Variants in PLIN5 observed in about 807,000 individuals in gnomAD.
The protein encoded by PLIN5 is perilipin 5.
A neutral mutation model predicts 32.8 loss-of-function variants in PLIN5; 34 were observed. The ratio of observed to expected loss-of-function variants is 1.04; its 90% CI spans 0.79 to 1.38. The LOEUF is 1.38. PLIN5 is among the 40% of genes most tolerant of loss of function. The probability of loss-of-function intolerance (pLI) is 0.00; values close to 1 mark genes in which losing one functional copy is unlikely to be tolerated. For synonymous variants in PLIN5, 309 were observed against 292.9 expected (o/e 1.05, Z -0.56); for missense variants, 712 against 660.5 (o/e 1.08, Z -0.85).
Position 4,523,986 on chromosome 19 carries a change from C to T in PLIN5, c.934G>A (p.Ala312Thr), listed in dbSNP as rs377144070. ...ESSVRGLPAG[A>T]QEKVAEVRRS... ...CGCACCTCAGCCACCTTCTCCTGGG[C>T]GCCGGCGGGCAGGCCCCGCACGCTG... The change falls in exon 8 of 8, where the codon GCC (alanine) becomes ACC (threonine). Residue 312 changes from alanine (A) to threonine (T), a missense_variant. Coordinates refer to ENST00000381848, the MANE Select transcript of PLIN5 (RefSeq NM_001013706.3). This position sits in a 1 kb window ranked among gnomAD's most constrained non-coding sequence, Gnocchi z 5.0. 1.0e-5 allele frequency: 16 copies of T among 1,525,134 alleles called. No homozygotes were observed. The Middle Eastern group carries it at 5.3e-4, about 51-fold the overall frequency. The allele number at this position is 1,525,134 out of a possible 1,614,324, so 94.5% of individuals were successfully genotyped here.
rs1168305062 is a variant in PLIN5, at chr19:4,534,093, AC to A, written c.-20del. The A allele has an allele frequency of 1.2e-6, 2 of 1,607,994 alleles. No individual in the cohort carries two copies. The highest frequency in any genetic ancestry group is 1.7e-6 in the Non-Finnish European group (2 of 1,177,390). On this transcript the variant is annotated splice_region_variant and 5_prime_UTR_variant, in exon 2 of 8. Coordinates refer to ENST00000381848, the MANE Select transcript of PLIN5 (RefSeq NM_001013706.3). ...CAGACATCGTGCTGCAAACAGGGTC[AC>A]CCTGCGGGGCAGGATTGAGTAAGGG... is the stretch of plus-strand genomic sequence containing the variant.
chr19:4,527,554 A>AC (rs1390791992), intron 5 of PLIN5, among the ~76,000 whole-genome samples: 11 of 149,132 alleles, frequency 7.4e-5, no homozygotes, highest in East Asian at 6.0e-4. Flanking sequence ...AAAAAAAAAA[A>AC]AAAAAAAAAA....
chr19:4,523,572 T>TG lies in PLIN5; in HGVS notation c.1347dup (p.Ser450GlnfsTer48). The TG allele has an allele frequency of 6.3e-7, 1 of 1,598,926 alleles. No individual in the cohort carries two copies. Among genetic ancestry groups the TG allele is most frequent in the East Asian group, 2.3e-5 (1 of 44,388 alleles). Reference sequence around the variant, plus strand: ...ATCAGGGTGTGCTTGACCGGGCAGCTGGGGGTCTCGGGTTCCTGCTCGCAG... The same window carrying TG: ...ATCAGGGTGTGCTTGACCGGGCAGCTGGGGGGTCTCGGGTTCCTGCTCGCAG... On this transcript the variant is annotated frameshift_variant, in exon 8 of 8. Coordinates refer to ENST00000381848, the MANE Select transcript of PLIN5 (RefSeq NM_001013706.3). LOFTEE classifies it high-confidence loss of function. This position sits in a 1 kb window ranked among gnomAD's most constrained non-coding sequence, Gnocchi z 5.0.
At chr19:4,524,551 CAAAT>C (rs1976775382) in intron 7 of PLIN5, among the ~76,000 whole-genome samples, 4 of 151,988 alleles carry the variant, frequency 2.6e-5, no homozygotes, top group Admixed American at 2.6e-4. Flanking sequence ...GACTCCTTCT[CAAAT>C]AAATAAATAT....
intron 2 of PLIN5, 26 bp from the exon 3 acceptor site, chr19:4,531,848 G>A (rs754047368): frequency 1.4e-4 from 208 of 1,497,892 alleles, no homozygotes; most frequent in African/African-American, 3.6e-4. Flanking sequence ...GCATCAGGGG[G>A]ACCCTGGGGG....
chr19:4,526,566 T>C (rs1331116914), intron 5 of PLIN5, among the ~76,000 whole-genome samples: 4 of 152,104 alleles, frequency 2.6e-5, no homozygotes, highest in Non-Finnish European at 4.4e-5. Flanking sequence ...ATAGGTTGGG[T>C]GCAGCAGCAT....
At position 4,523,890 on chromosome 19, in the gene PLIN5, G is replaced by C; in HGVS notation, c.1030C>G (p.Leu344Val). Residue 344 changes from leucine (L) to valine (V), a missense_variant, in exon 8 of 8, where the codon CTG becomes GTG. Transcript: ENST00000381848. The surrounding 1 kb of genome is among the most constrained non-coding windows in gnomAD (Gnocchi z 5.0). ...RCFRDVPAAA[L>V]AEGRGRVAHA... ...GCCACGCGACCCCGGCCCTCGGCCA[G>C]CGCGGCCGCTGGCACGTCCCTGAAG... 6.6e-7 allele frequency: 1 copy of C among 1,516,592 alleles called. No individual in the cohort carries two copies. Among genetic ancestry groups the C allele is most frequent in the Non-Finnish European group, 8.7e-7 (1 of 1,142,954 alleles). The allele number at this position is 1,516,592 out of a possible 1,614,324, so 93.9% of individuals were successfully genotyped here. A position where few individuals can be genotyped will look rare whatever the true frequency, so the allele number is the denominator to read the frequency against.
At chr19:4,530,430 A>G (rs1976869636) in intron 3 of PLIN5, among the ~76,000 whole-genome samples, 1 of 152,178 alleles carries the variant, frequency 6.6e-6, no homozygotes, top group South Asian at 2.1e-4. Context: ...CTAGAGGCCA[A>G]GGATCCTGTA....
Position 4,529,793 on chromosome 19 carries a change from A to C in PLIN5, c.330T>G (p.Pro110=). The change falls in exon 4 of 8, where the codon CCT becomes CCG. Residue 110 remains proline, a synonymous_variant. Transcript: ENST00000381848. The part of the protein sequence containing the change: ...LEEKLPFLQQ[P]SETVVTSAKD... ...TAGTCGTCCGGGGTACCGTCTCCGA[A>C]GGTTGCTGGAGAAAGGGAAGCTTCT... 4 of 1,611,442 alleles carry C rather than the reference A, an allele frequency of 2.5e-6. No homozygotes were observed. Among genetic ancestry groups the C allele is most frequent in the Non-Finnish European group, 3.4e-6 (4 of 1,178,130 alleles).
intron 3 of PLIN5, among the ~76,000 whole-genome samples, chr19:4,530,716 A>C (rs1189149125): frequency 6.6e-6 from 1 of 152,190 alleles, no homozygotes; most frequent in Non-Finnish European, 1.5e-5. Context: ...TCTGTCACCC[A>C]GGCTGGAGTG....
chr19:4,533,902 G>A (rs891001885), intron 2 of PLIN5, 113 bp downstream of exon 2: 1 of 1,263,034 alleles, frequency 7.9e-7, no homozygotes, highest in African/African-American at 1.5e-5. Flanking sequence ...TATGACTCAG[G>A]TTTTCCCAGC....
chr19:4,524,036 T>C lies in PLIN5; in HGVS notation c.884A>G (p.Gln295Arg). The C allele has an allele frequency of 6.7e-7, 1 of 1,483,158 alleles. No individual in the cohort carries two copies. Among genetic ancestry groups the C allele is most frequent in the Non-Finnish European group, 8.9e-7 (1 of 1,126,214 alleles). The allele number at this position is 1,483,158 out of a possible 1,614,324, so 91.9% of individuals were successfully genotyped here. A position where few individuals can be genotyped will look rare whatever the true frequency, so the allele number is the denominator to read the frequency against. Residue 295 changes from glutamine to arginine, a missense_variant, in exon 8 of 8, where the codon CAG becomes CGG. Coordinates refer to ENST00000381848, the MANE Select transcript of PLIN5 (RefSeq NM_001013706.3). ...GGACTCCAGAGCCTCTACCGTGCCC[T>C]GCAGCTCCTGGGTCAGGCTGCGGGA... ...VLSRSLTQEL[Q>R]GTVEALESSV...
Position 4,531,668 on chromosome 19 carries a change from A to T in PLIN5, c.215T>A (p.Leu72Gln). 6 of 1,541,924 alleles carry T rather than the reference A, an allele frequency of 3.9e-6. No homozygotes were observed. The highest frequency in any genetic ancestry group is 5.2e-6 in the Non-Finnish European group (6 of 1,147,350). The change falls in exon 3 of 8, where the codon CTG (leucine) becomes CAG (glutamine). Residue 72 changes from leucine (L) to glutamine (Q), a missense_variant. Coordinates refer to ENST00000381848, the MANE Select transcript of PLIN5 (RefSeq NM_001013706.3). ...CTCGAGCAGCGGCTGGGCGTGGTCC[A>T]GGGCACGGGTGGTCAGGCCGCACAC... ...NCVCGLTTRA[L>Q]DHAQPLLEHL...
At chr19:4,534,248 CCAGAGCTCTGTACA>C (rs1568247156) in intron 1 of PLIN5, 153 bp from the exon 2 acceptor site, 2 of 662,076 alleles carry the variant, frequency 3.0e-6, no homozygotes, top group African/African-American at 3.6e-5. Context: ...CAATGCATGT[CCAGAGCTCTGTACA>C]CAGAGGGTGT....
In PLIN5 at chr19:4,523,497, C is replaced by G. The variant is rs773645398; in HGVS notation, c.*31G>C. 6.6e-7 allele frequency: 1 copy of G among 1,523,492 alleles called. No homozygotes were observed. 94.4% of individuals were successfully genotyped at this position (1,523,492 alleles called of 1,614,324 possible). ...AGCAGGGATCGGGGTGTGCAGGTGG[C>G]CTTTCCTCCCCGCCTCCACTGGCCC... is the stretch of plus-strand genomic sequence containing the variant. On this transcript the variant is annotated 3_prime_UTR_variant, in exon 8 of 8. Transcript: ENST00000381848. This position sits in a 1 kb window ranked among gnomAD's most constrained non-coding sequence, Gnocchi z 5.0.
At chr19:4,533,664 G>A in intron 2 of PLIN5, 2 of 464,364 alleles carry the variant, frequency 4.3e-6, no homozygotes, top group Non-Finnish European at 7.6e-6. Flanking sequence ...TTGGAACTGT[G>A]ACTGATACAG....
chr19:4,528,174 G>A (rs1976831890), intron 5 of PLIN5, among the ~76,000 whole-genome samples: 1 of 151,986 alleles, frequency 6.6e-6, no homozygotes, highest in African/African-American at 2.4e-5. Flanking sequence ...CCCCCAAAGT[G>A]CTGGGATTAC....
At position 4,523,791 on chromosome 19, in the gene PLIN5, G is replaced by A. The variant is rs1258562725; in HGVS notation, c.1129C>T (p.Pro377Ser). ...CGCTCCACAAGGATGGGCGCGAAGG[G>A]TCCCACCAGCCAGGGCAGCGGCACG... Reference protein sequence around the residue: ...QAVPLPWLVGPFAPILVERPE... With the variant: ...QAVPLPWLVGSFAPILVERPE... Residue 377 changes from proline to serine, a missense_variant, in exon 8 of 8, where the codon CCC becomes TCC. Physicochemically the swap from Pro to Ser is moderately conservative, Grantham distance 74 (BLOSUM62 -1). Transcript: ENST00000381848. This position sits in a 1 kb window ranked among gnomAD's most constrained non-coding sequence, Gnocchi z 5.0. The A allele has an allele frequency of 6.3e-7, 1 of 1,597,050 alleles. No homozygotes were observed. Among genetic ancestry groups the A allele is most frequent in the East Asian group, 2.2e-5 (1 of 44,792 alleles).
chr19:4,529,717 C>A, intron 4 of PLIN5, 67 bp downstream of exon 4: 429 of 799,266 alleles, frequency 5.4e-4, no homozygotes, highest in Non-Finnish European at 8.3e-4. Flanking sequence ...CACCATCCCT[C>A]CCTCCCTCCC....
Sources: gnomAD v4.1 joint callset for allele counts (sites outside exome capture counted in the v4.1 genomes callset) on GRCh38, gnomAD v4.1.1 for gene constraint, Gnocchi (gnomAD v3.1) non-coding constraint, MANE v1.5 for transcripts, NCBI Gene and HGNC (gene_info 2026-07-23, HGNC 2026-07-21) for gene names.